KCTD16: variants seen among roughly 807,000 people sequenced by gnomAD.
KCTD16 encodes potassium channel tetramerization domain containing 16, also known as BTB/POZ domain-containing protein KCTD16.
Under a neutral mutation model 33.2 loss-of-function variants are expected in KCTD16, and 13 were observed. The observed-to-expected ratio is 0.39, with a 90% CI of 0.25 to 0.62. The LOEUF is 0.62. Among genes scored for constraint, KCTD16 ranks in the 20% least tolerant of loss-of-function variants. The pLI is 0.50. For synonymous variants in KCTD16, 197 were observed against 195.3 expected (o/e 1.01, Z -0.07); for missense variants, 441 against 525.1 (o/e 0.84, Z 1.57).
At chr5:144,330,919 A>G (rs1016561540) in intron 3 of KCTD16, among the ~76,000 whole-genome samples, 8 of 152,230 alleles carry the variant, frequency 5.3e-5, no homozygotes, top group Non-Finnish European at 1.2e-4. Flanking sequence ...TGACTTAGTA[A>G]TAAACTGGAG....
At chr5:144,227,080 AG>A (rs1355002733) in intron 3 of KCTD16, among the ~76,000 whole-genome samples, 1 of 152,264 alleles carries the variant, frequency 6.6e-6, no homozygotes, top group Non-Finnish European at 1.5e-5. Flanking sequence ...CTTATATCCT[AG>A]GATGTGTATG....
chr5:144,429,422 G>T (rs1180693600), intron 3 of KCTD16, among the ~76,000 whole-genome samples: 1 of 152,068 alleles, frequency 6.6e-6, no homozygotes. Flanking sequence ...ATGACCTCAG[G>T]TAGTTCAGGT....
intron 3 of KCTD16, among the ~76,000 whole-genome samples, chr5:144,222,185 T>G (rs1220797042): frequency 6.6e-6 from 1 of 152,356 alleles, no homozygotes; most frequent in East Asian, 1.9e-4. Context: ...ATGGATAGAT[T>G]GCAAAAATGT....
At chr5:144,271,942 G>A (rs961119218) in intron 3 of KCTD16, among the ~76,000 whole-genome samples, 2 of 151,602 alleles carry the variant, frequency 1.3e-5, no homozygotes, top group African/African-American at 2.4e-5. Context: ...AAAATACATA[G>A]GAATCAACGT....
At chr5:144,404,340 A>G (rs116315186) in intron 3 of KCTD16, among the ~76,000 whole-genome samples, 1,597 of 152,270 alleles carry the variant, frequency 0.01, 24 homozygotes, top group African/African-American at 0.036. Context: ...ATATCAATTA[A>G]TATTGATATT....
At chr5:144,472,598 A>G (rs894277490) in intron 3 of KCTD16, among the ~76,000 whole-genome samples, 3 of 152,220 alleles carry the variant, frequency 2.0e-5, no homozygotes, top group Non-Finnish European at 4.4e-5. Context: ...CCAGGTACTT[A>G]TAAGTTATAA....
intron 3 of KCTD16, among the ~76,000 whole-genome samples, chr5:144,390,874 G>T (rs116459021): frequency 0.013 from 1,973 of 152,170 alleles, 37 homozygotes; most frequent in African/African-American, 0.045. Context: ...TCTTTTTATG[G>T]CTGCCGAGAA....
chr5:144,412,969 A>G (rs2126955177), intron 3 of KCTD16, among the ~76,000 whole-genome samples: 1 of 152,326 alleles, frequency 6.6e-6, no homozygotes, highest in East Asian at 1.9e-4. Flanking sequence ...GTATATTTTA[A>G]GATGGCTAGA....
At chr5:144,345,991 T>G (rs1580890396) in intron 3 of KCTD16, among the ~76,000 whole-genome samples, 2 of 147,800 alleles carry the variant, frequency 1.4e-5, no homozygotes, top group African/African-American at 5.0e-5. Context: ...TACCTCCACC[T>G]CCCCCCAAGT....
chr5:144,350,875 A>AT (rs11419936), intron 3 of KCTD16, among the ~76,000 whole-genome samples: 48,163 of 147,006 alleles, frequency 0.33, 8,101 homozygotes, highest in African/African-American at 0.44. Context: ...AGACTCTCAG[A>AT]TTTTTTTTTT....
chr5:144,333,290 T>C (rs1038480439), intron 3 of KCTD16, among the ~76,000 whole-genome samples: 1 of 152,290 alleles, frequency 6.6e-6, no homozygotes, highest in Non-Finnish European at 1.5e-5. Context: ...CACTGAACAA[T>C]TGAGCAGAAG....
chr5:144,257,791 A>G (rs1754893337), intron 3 of KCTD16, among the ~76,000 whole-genome samples: 1 of 151,904 alleles, frequency 6.6e-6, no homozygotes, highest in Admixed American at 6.6e-5. Context: ...CTGGCCTGTC[A>G]TAGTTTCTTA....
intron 3 of KCTD16, among the ~76,000 whole-genome samples, chr5:144,316,826 CT>C (rs34796022): frequency 0.083 from 9,171 of 111,106 alleles, 996 homozygotes; most frequent in African/African-American, 0.29. Context: ...GCCAGCATCC[CT>C]TTTTTTTTTT....
chr5:144,250,078 C>CT (rs1754656674), intron 3 of KCTD16, among the ~76,000 whole-genome samples: 2 of 152,288 alleles, frequency 1.3e-5, no homozygotes, highest in South Asian at 4.1e-4. Flanking sequence ...CAGACTCCGG[C>CT]TGCTGGCAGT....
At chr5:144,340,213 G>A (rs1044732234) in intron 3 of KCTD16, among the ~76,000 whole-genome samples, 1 of 151,730 alleles carries the variant, frequency 6.6e-6, no homozygotes, top group Non-Finnish European at 1.5e-5. Context: ...AGGAGATGGA[G>A]ACCACAGTGA....
chr5:144,426,635 AT>A (rs1753336911), intron 3 of KCTD16, among the ~76,000 whole-genome samples: 2 of 152,140 alleles, frequency 1.3e-5, no homozygotes, highest in Admixed American at 6.6e-5. Context: ...TATAAAAAAA[AT>A]AAGTTTATTT....
intron 3 of KCTD16, among the ~76,000 whole-genome samples, chr5:144,453,398 C>T (rs1180671203): frequency 1.3e-5 from 2 of 152,094 alleles, no homozygotes. Flanking sequence ...GCGATTTCAG[C>T]CTGAGTTTTC....
At chr5:144,338,605 G>C (rs943417155) in intron 3 of KCTD16, among the ~76,000 whole-genome samples, 6 of 152,194 alleles carry the variant, frequency 3.9e-5, no homozygotes, top group African/African-American at 1.2e-4. Flanking sequence ...TCAGACAACA[G>C]ATGAGTTTGA....
chr5:144,195,558 G>A (rs1752924823), intron 2 of KCTD16, among the ~76,000 whole-genome samples: 1 of 152,206 alleles, frequency 6.6e-6, no homozygotes, highest in South Asian at 2.1e-4. Flanking sequence ...GTCAACAAAT[G>A]GAGAGGGAAG....
Sources: gnomAD v4.1 joint callset for allele counts (sites outside exome capture counted in the v4.1 genomes callset) on GRCh38, gnomAD v4.1.1 for gene constraint, MANE v1.5 for transcripts, NCBI Gene and HGNC (gene_info 2026-07-23, HGNC 2026-07-21) for gene names.